PDE11A: variants seen among roughly 807,000 people sequenced by gnomAD.
The protein encoded by PDE11A is dual 3',5'-cyclic-AMP and -GMP phosphodiesterase 11A.
PDE11A carries 100 observed loss-of-function variants against 100.5 expected under a neutral mutation model. That is an observed-to-expected ratio of 1.00 (90% CI 0.85 to 1.18). PDE11A has a LOEUF of 1.18. Ranked by LOEUF, PDE11A falls within the 50% of genes most tolerant of loss-of-function variation. The pLI is 0.00. For missense variants in PDE11A, 1,141 were observed against 1,152.6 expected, an observed-to-expected ratio of 0.99 and a Z score of 0.15; for synonymous variants, 381 against 420.8, an observed-to-expected ratio of 0.91 and a Z score of 1.16.
intron 1 of PDE11A, among the ~76,000 whole-genome samples, chr2:178,035,860 T>C (rs778318280): frequency 5.9e-5 from 9 of 152,196 alleles, no homozygotes; most frequent in Non-Finnish European, 1.3e-4. Flanking sequence ...AACTAGGTAT[T>C]GATGGAACAT....
intron 2 of PDE11A, chr2:177,998,317 T>C: frequency 3.7e-6 from 3 of 811,200 alleles, no homozygotes; most frequent in Non-Finnish European, 6.7e-6. Flanking sequence ...AGGAATTTAA[T>C]TGCTCATTCT....
At chr2:177,940,231 A>C (rs2085330205) in intron 2 of PDE11A, among the ~76,000 whole-genome samples, 2 of 152,330 alleles carry the variant, frequency 1.3e-5, no homozygotes, top group South Asian at 4.1e-4. Context: ...TTCTTAAAAC[A>C]GTATCTTTTA....
At chr2:177,740,679 T>C (rs2081858893) in intron 10 of PDE11A, among the ~76,000 whole-genome samples, 1 of 152,240 alleles carries the variant, frequency 6.6e-6, no homozygotes, top group Non-Finnish European at 1.5e-5. Context: ...TTTGAATGCC[T>C]CTTAGCTTAG....
chr2:177,821,672 A>G (rs114712580), intron 6 of PDE11A, among the ~76,000 whole-genome samples: 1 of 151,852 alleles, frequency 6.6e-6, no homozygotes, highest in Non-Finnish European at 1.5e-5. Flanking sequence ...ATTCTGATAG[A>G]TATGTGGTTA....
At chr2:178,105,359 T>C (rs139953899) in intron 1 of PDE11A, among the ~76,000 whole-genome samples, 1,822 of 152,078 alleles carry the variant, frequency 0.012, 32 homozygotes, top group East Asian at 0.072. Context: ...ACTCGGGAGG[T>C]TGAAGCAGAG....
chr2:178,070,669 G>GA (rs1402507172), intron 1 of PDE11A, among the ~76,000 whole-genome samples: 1 of 152,326 alleles, frequency 6.6e-6, no homozygotes, highest in Non-Finnish European at 1.5e-5. Flanking sequence ...AAAATGCTGT[G>GA]AAAATGAAAG....
chr2:178,047,113 C>T (rs1442364836), intron 1 of PDE11A, among the ~76,000 whole-genome samples: 1 of 151,512 alleles, frequency 6.6e-6, no homozygotes, highest in East Asian at 1.9e-4. Flanking sequence ...TCCTTTATTG[C>T]AGTTGATGGG....
intron 1 of PDE11A, among the ~76,000 whole-genome samples, chr2:178,049,106 C>T (rs185706306): frequency 5.7e-4 from 87 of 152,320 alleles, no homozygotes; most frequent in African/African-American, 1.9e-3. Context: ...AAATGTTCAA[C>T]ATTTGAATAT....
chr2:178,050,960 C>G (rs1049662711), intron 1 of PDE11A, among the ~76,000 whole-genome samples: 8 of 152,278 alleles, frequency 5.3e-5, no homozygotes, highest in Non-Finnish European at 1.0e-4. Flanking sequence ...AGAACTTCCC[C>G]AACCTAGCAA....
At chr2:177,641,850 G>A (rs13409520) in intron 19 of PDE11A, among the ~76,000 whole-genome samples, 4,339 of 152,194 alleles carry the variant, frequency 0.029, 210 homozygotes, top group African/African-American at 0.1. Context: ...ATTTATGTAG[G>A]TTACACATGT....
At chr2:177,673,622 A>C (rs1341877452) in intron 17 of PDE11A, among the ~76,000 whole-genome samples, 1 of 152,310 alleles carries the variant, frequency 6.6e-6, no homozygotes, top group East Asian at 1.9e-4. Flanking sequence ...GAGATCCTGG[A>C]CTTAAGAGTT....
intron 1 of PDE11A, among the ~76,000 whole-genome samples, chr2:178,038,605 G>T (rs1196108816): frequency 6.6e-6 from 1 of 152,032 alleles, no homozygotes; most frequent in East Asian, 1.9e-4. Context: ...CACAATAAGA[G>T]AAAACACAAA....
At chr2:177,764,215 A>G (rs947923685) in intron 10 of PDE11A, among the ~76,000 whole-genome samples, 3 of 152,054 alleles carry the variant, frequency 2.0e-5, no homozygotes. Flanking sequence ...TATTTTATTT[A>G]CTAGGATATT....
chr2:178,045,676 C>T (rs975513348), intron 1 of PDE11A, among the ~76,000 whole-genome samples: 3 of 152,180 alleles, frequency 2.0e-5, no homozygotes, highest in African/African-American at 4.8e-5. Context: ...GTAGTAGTAT[C>T]GCCTTCACAG....
chr2:177,792,068 T>G (rs989006872), intron 9 of PDE11A, among the ~76,000 whole-genome samples: 1 of 152,182 alleles, frequency 6.6e-6, no homozygotes, highest in African/African-American at 2.4e-5. Context: ...CATATGCATA[T>G]TGGACTATAA....
intron 5 of PDE11A, among the ~76,000 whole-genome samples, chr2:177,853,635 CATAT>C (rs371434526): frequency 0.026 from 926 of 35,892 alleles, 14 homozygotes; most frequent in Middle Eastern, 0.091. Flanking sequence ...ACAAGTCCTG[CATAT>C]ATATATATAT....
intron 9 of PDE11A, among the ~76,000 whole-genome samples, chr2:177,811,395 T>C (rs1157276675): frequency 2.6e-5 from 4 of 151,858 alleles, no homozygotes; most frequent in Admixed American, 2.0e-4. Context: ...TAATTTTATA[T>C]ATTTAGGACA....
At chr2:177,901,030 C>T (rs2084686483) in intron 3 of PDE11A, among the ~76,000 whole-genome samples, 1 of 152,174 alleles carries the variant, frequency 6.6e-6, no homozygotes, top group Non-Finnish European at 1.5e-5. Context: ...ATGACAATAG[C>T]CCTTTCCCAA....
chr2:177,783,196 G>C (rs1042427761), intron 9 of PDE11A, among the ~76,000 whole-genome samples: 2 of 152,148 alleles, frequency 1.3e-5, no homozygotes, highest in African/African-American at 4.8e-5. Context: ...ACTAGAGGCA[G>C]TCAATATTCA....
Sources: gnomAD v4.1 joint callset for allele counts (sites outside exome capture counted in the v4.1 genomes callset) on GRCh38, gnomAD v4.1.1 for gene constraint, MANE v1.5 for transcripts, NCBI Gene and HGNC (gene_info 2026-07-23, HGNC 2026-07-21) for gene names.